The following SYT14 variants were observed in gnomAD, a reference collection of about 807,000 sequenced individuals.
SYT14 encodes synaptotagmin-14.
A neutral mutation model predicts 74.2 loss-of-function variants in SYT14; 32 were observed. The observed-to-expected ratio is 0.43, with a 90% CI of 0.33 to 0.58. The LOEUF is 0.58. Among genes scored for constraint, SYT14 ranks in the 20% least tolerant of loss-of-function variants. SYT14 has a pLI of 0.05. For synonymous variants in SYT14, 298 were observed against 337.7 expected (o/e 0.88, Z 1.29); for missense variants, 791 against 981.8 (o/e 0.81, Z 2.60).
At chr1:210,012,192 C>T (rs1370062701) in intron 2 of SYT14, among the ~76,000 whole-genome samples, 6 of 152,150 alleles carry the variant, frequency 3.9e-5, no homozygotes, top group Admixed American at 1.3e-4. Flanking sequence ...TCCATAACTT[C>T]CAGAAAAGTT....
At chr1:209,965,687 G>A (rs2079145715) in intron 2 of SYT14, among the ~76,000 whole-genome samples, 2 of 152,092 alleles carry the variant, frequency 1.3e-5, no homozygotes, top group South Asian at 4.1e-4. Context: ...CAGTCCGTAA[G>A]CATTCCCTAA....
At chr1:209,969,429 A>G (rs1328371008) in intron 2 of SYT14, among the ~76,000 whole-genome samples, 1 of 151,458 alleles carries the variant, frequency 6.6e-6, no homozygotes, top group Non-Finnish European at 1.5e-5. Flanking sequence ...TTACTTTTTA[A>G]TAATAGCCGT....
chr1:209,968,172 GC>G (rs2079185267), intron 2 of SYT14, among the ~76,000 whole-genome samples: 1 of 152,108 alleles, frequency 6.6e-6, no homozygotes, highest in Non-Finnish European at 1.5e-5. Flanking sequence ...ACAGAATGTA[GC>G]CTCATCTTAG....
chr1:210,086,110 T>C (rs2081723597), intron 5 of SYT14, among the ~76,000 whole-genome samples: 1 of 152,136 alleles, frequency 6.6e-6, no homozygotes, highest in Non-Finnish European at 1.5e-5. Context: ...TTTTGACAGA[T>C]TGTGGAGTTA....
At chr1:209,966,205 T>C (rs2079155763) in intron 2 of SYT14, among the ~76,000 whole-genome samples, 1 of 152,218 alleles carries the variant, frequency 6.6e-6, no homozygotes, top group South Asian at 2.1e-4. Context: ...TTGATCTGTT[T>C]GTCTGCCTTG....
chr1:209,942,339 A>C, intron 1 of SYT14, among the ~76,000 whole-genome samples: 1 of 142,478 alleles, frequency 7.0e-6, no homozygotes, highest in Admixed American at 7.1e-5. Context: ...CAGCCACCAA[A>C]TCCAGCCTCC....
intron 6 of SYT14, among the ~76,000 whole-genome samples, chr1:210,095,844 A>G (rs1268972177): frequency 6.6e-6 from 1 of 151,936 alleles, no homozygotes; most frequent in African/African-American, 2.4e-5. Flanking sequence ...TGATATTTTA[A>G]GTTTAATATA....
intron 7 of SYT14, among the ~76,000 whole-genome samples, chr1:210,120,650 A>G (rs2082441950): frequency 6.6e-6 from 1 of 152,204 alleles, no homozygotes; most frequent in African/African-American, 2.4e-5. Flanking sequence ...CCACAATGAC[A>G]AAATTGCCAA....
At chr1:210,102,375 T>C (rs2082083773) in intron 7 of SYT14, among the ~76,000 whole-genome samples, 1 of 152,160 alleles carries the variant, frequency 6.6e-6, no homozygotes. Context: ...TCAAATTCAG[T>C]ACCCTGTATT....
chr1:210,162,843 ATGACATGAGGTT>A (rs1171095419), exon 10 of SYT14: 1 of 453,312 alleles, frequency 2.2e-6, no homozygotes, highest in Non-Finnish European at 4.4e-6. Flanking sequence ...GCTATATTGG[ATGACATGAGGTT>A]TGAGAATGTG....
rs2081617932 is a variant in SYT14 at position 210,081,659 on chromosome 1, A to G, written c.1313-12663A>G. Reference sequence around the variant, plus strand: ...TTGAAGCACAATAAAGCAAAGCACAATAAAACATGATATGTCTGTGGTTTT... The same window carrying G: ...TTGAAGCACAATAAAGCAAAGCACAGTAAAACATGATATGTCTGTGGTTTT... On this transcript the variant is annotated intron_variant, in intron 5 of 9. Coordinates refer to ENST00000637265, the Ensembl canonical transcript of SYT14. Among the ~76,000 whole-genome samples the G allele has an allele frequency of 2.0e-5, 3 of 152,220 alleles. No individual in the cohort carries two copies. The South Asian group carries it at 6.2e-4, about 32-fold the overall frequency.
At chr1:210,101,131 A>G (rs374136405) in intron 7 of SYT14, among the ~76,000 whole-genome samples, 7 of 152,104 alleles carry the variant, frequency 4.6e-5, no homozygotes, top group African/African-American at 1.7e-4. Context: ...AAATTCCCAC[A>G]AGGCATTGCA....
At chr1:209,954,214 G>A (rs1015595458) in intron 2 of SYT14, among the ~76,000 whole-genome samples, 6 of 152,186 alleles carry the variant, frequency 3.9e-5, no homozygotes, top group Admixed American at 6.5e-5. Flanking sequence ...TGTTTAGAGG[G>A]TCTTTTGTGG....
At chr1:210,096,748 A>T (rs2081972921) in intron 6 of SYT14, among the ~76,000 whole-genome samples, 1 of 152,234 alleles carries the variant, frequency 6.6e-6, no homozygotes, top group African/African-American at 2.4e-5. Flanking sequence ...GCATTTCTTA[A>T]GTAGAGCACA....
chr1:210,136,307 C>A (rs2082785041), intron 7 of SYT14, among the ~76,000 whole-genome samples: 1 of 151,654 alleles, frequency 6.6e-6, no homozygotes, highest in African/African-American at 2.4e-5. Context: ...AAGCAGGAGG[C>A]AGGAATGAGT....
At chr1:210,066,789 C>T (rs1455142401) in intron 5 of SYT14, among the ~76,000 whole-genome samples, 8 of 151,940 alleles carry the variant, frequency 5.3e-5, no homozygotes, top group Admixed American at 6.6e-5. Flanking sequence ...AGCGTGAGAA[C>T]GGACTAATAC....
chr1:210,052,551 T>A (rs1451387715), intron 5 of SYT14, among the ~76,000 whole-genome samples: 1 of 150,706 alleles, frequency 6.6e-6, no homozygotes, highest in Admixed American at 6.6e-5. Flanking sequence ...TAATCCCAGC[T>A]ACTCAGGAGG....
chr1:210,148,409 T>A (rs1007587109), intron 7 of SYT14, among the ~76,000 whole-genome samples: 1 of 151,316 alleles, frequency 6.6e-6, no homozygotes, highest in Non-Finnish European at 1.5e-5. Context: ...TGCAGGAGGC[T>A]GAGGCAGGAG....
intron 5 of SYT14, among the ~76,000 whole-genome samples, chr1:210,031,593 C>A (rs992944641): frequency 6.6e-6 from 1 of 152,038 alleles, no homozygotes; most frequent in Non-Finnish European, 1.5e-5. Flanking sequence ...TAGATACATA[C>A]CTATTCAGGT....
Sources: gnomAD v4.1 joint callset for allele counts (sites outside exome capture counted in the v4.1 genomes callset) on GRCh38, gnomAD v4.1.1 for gene constraint, MANE v1.5 for transcripts, NCBI Gene and HGNC (gene_info 2026-07-23, HGNC 2026-07-21) for gene names.